ALDH1A1: variants seen among roughly 807,000 people sequenced by gnomAD.
ALDH1A1 encodes aldehyde dehydrogenase 1 family member A1, also known as aldehyde dehydrogenase 1A1.
In ALDH1A1, 19 loss-of-function variants were observed where a neutral mutation model predicts 62.1. The observed-to-expected ratio is 0.31, with a 90% CI of 0.21 to 0.45. ALDH1A1 has a LOEUF of 0.45. ALDH1A1 is among the 20% of genes least tolerant of loss of function. The pLI, the probability that ALDH1A1 is intolerant of heterozygous loss-of-function variation, is 1.00. For synonymous variants in ALDH1A1, 231 were observed against 215.9 expected (o/e 1.07, Z -0.61); for missense variants, 521 against 607.1 (o/e 0.86, Z 1.49).
intron 1 of ALDH1A1, among the ~76,000 whole-genome samples, chr9:72,949,839 TAAAAAAA>T (rs11459106): frequency 1.8e-3 from 256 of 139,242 alleles, no homozygotes; most frequent in African/African-American, 6.5e-3. Context: ...TTCCCTTTTA[TAAAAAAA>T]AAAAAAGAAA....
Position 72,909,823 on chromosome 9 carries a change from G to A in ALDH1A1, c.1201-64C>T, listed in dbSNP as rs8187977. On this transcript the variant is annotated intron_variant, in intron 10 of 12. Coordinates refer to ENST00000297785, the MANE Select transcript of ALDH1A1 (RefSeq NM_000689.5). ...AAAATGAAATATTTTAAATGATATC[G>A]TAGATTTTTTTTCCTACACGCTATC... 1.1e-3 allele frequency: 1,549 copies of A among 1,395,900 alleles called. 20 individuals carry two copies. The African/African-American group carries it at 0.019, about 17-fold the overall frequency. The allele number at this position is 1,395,900 out of a possible 1,614,324, so 86.5% of individuals were successfully genotyped here. A position where few individuals can be genotyped will look rare whatever the true frequency, so the allele number is the denominator to read the frequency against.
chr9:72,943,238 G>T (rs1347296044), intron 1 of ALDH1A1, among the ~76,000 whole-genome samples: 1 of 152,050 alleles, frequency 6.6e-6, no homozygotes, highest in East Asian at 1.9e-4. Flanking sequence ...CTAGGCCTGT[G>T]GTCGGACTTT....
At chr9:72,938,171 A>G (rs1407925375) in intron 2 of ALDH1A1, among the ~76,000 whole-genome samples, 1 of 152,156 alleles carries the variant, frequency 6.6e-6, no homozygotes, top group African/African-American at 2.4e-5. Context: ...ATTAACTAAA[A>G]CACATTGTCA....
At chr9:72,921,597 A>C (rs1272361139) in intron 7 of ALDH1A1, among the ~76,000 whole-genome samples, 1 of 146,454 alleles carries the variant, frequency 6.8e-6, no homozygotes, top group Admixed American at 7.0e-5. Context: ...ATATGTATAC[A>C]TGTGCCATGC....
chr9:72,942,767 T>G (rs145112391), intron 1 of ALDH1A1, among the ~76,000 whole-genome samples: 1 of 152,310 alleles, frequency 6.6e-6, no homozygotes, highest in African/African-American at 2.4e-5. Context: ...CACTGTTCTT[T>G]AGACTAGAGT....
rs1588134572 is a variant in ALDH1A1 at position 72,917,207 on chromosome 9, T to G, written c.851-103A>C. 4.4e-6 allele frequency: 4 copies of G among 910,086 alleles called. No homozygotes were observed. The East Asian group carries it at 1.0e-4, about 23-fold the overall frequency. The allele number at this position is 910,086 out of a possible 1,614,324, so 56.4% of individuals were successfully genotyped here. Reference sequence around the variant, plus strand: ...AGATAAAGAAAAATTATGAGTTGTGTAGTCAGACATGGGCTCAGTATAGTT... The same window carrying G: ...AGATAAAGAAAAATTATGAGTTGTGGAGTCAGACATGGGCTCAGTATAGTT... On this transcript the variant is annotated intron_variant, in intron 8 of 12. Transcript: ENST00000297785.
At chr9:72,930,478 C>T (rs1478246839) in intron 3 of ALDH1A1, among the ~76,000 whole-genome samples, 1 of 152,082 alleles carries the variant, frequency 6.6e-6, no homozygotes, top group African/African-American at 2.4e-5. Flanking sequence ...TTTGGGCACC[C>T]TTAACAAACT....
In ALDH1A1 at chr9:72,916,886, C is replaced by G. The variant is rs759196939; in HGVS notation, c.1035+34G>C. 3 of 1,506,940 alleles carry G rather than the reference C, an allele frequency of 2.0e-6. No homozygotes were observed. The South Asian group carries it at 4.0e-5, about 20-fold the overall frequency. The allele number at this position is 1,506,940 out of a possible 1,614,324, so 93.3% of individuals were successfully genotyped here. On this transcript the variant is annotated intron_variant, in intron 9 of 12. Transcript: ENST00000297785. ...TAAAGAGGATACTTTATTCCTGTGCCCTGAAAATGCTATCCTTTCTATTTT... is the reference window on the plus strand; with the variant it reads ...TAAAGAGGATACTTTATTCCTGTGCGCTGAAAATGCTATCCTTTCTATTTT...
chr9:72,923,845 T>C, intron 7 of ALDH1A1, 174 bp downstream of exon 7: 1 of 433,918 alleles, frequency 2.3e-6, no homozygotes, highest in Non-Finnish European at 4.0e-6. Flanking sequence ...CATCATGTCA[T>C]TCAAACTACA....
chr9:72,943,972 G>C (rs528662167), intron 1 of ALDH1A1, among the ~76,000 whole-genome samples: 21 of 152,012 alleles, frequency 1.4e-4, no homozygotes, highest in Middle Eastern at 3.4e-3. Flanking sequence ...GTAAAGGGAG[G>C]GACAAATCTT....
At chr9:72,907,753 T>C (rs1173575906) in intron 11 of ALDH1A1, among the ~76,000 whole-genome samples, 1 of 152,204 alleles carries the variant, frequency 6.6e-6, no homozygotes. Context: ...ATTGCGTGAA[T>C]AGTATTCTTG....
intron 1 of ALDH1A1, among the ~76,000 whole-genome samples, chr9:72,948,835 A>G (rs1830504172): frequency 1.3e-5 from 2 of 151,808 alleles, no homozygotes; most frequent in South Asian, 4.1e-4. Flanking sequence ...AATAAGAGGA[A>G]GGGAAATATG....
Position 72,917,047 on chromosome 9 carries a change from C to A in ALDH1A1, c.908G>T (p.Cys303Phe). 6.2e-7 allele frequency: 1 copy of A among 1,613,258 alleles called. No homozygotes were observed. ...HGVFYHQGQC[C>F]IAASRIFVEE... ...CACAAAAATCCTGGATGCGGCTATA[C>A]AACACTGGCCCTGGTGGTAGAATAC... The change falls in exon 9 of 13, where the codon TGT becomes TTT. Residue 303 changes from cysteine to phenylalanine, a missense_variant. Cys to Phe is a radical substitution (Grantham distance 205). Transcript: ENST00000297785.
chr9:72,934,359 G>A (rs913192161), intron 2 of ALDH1A1, among the ~76,000 whole-genome samples: 1 of 151,748 alleles, frequency 6.6e-6, no homozygotes, highest in Non-Finnish European at 1.5e-5. Flanking sequence ...AAACTATCTT[G>A]GCTACTATCA....
At chr9:72,942,833 A>G (rs1830432258) in intron 1 of ALDH1A1, among the ~76,000 whole-genome samples, 1 of 152,142 alleles carries the variant, frequency 6.6e-6, no homozygotes, top group Middle Eastern at 3.4e-3. Context: ...TCATCTCCTC[A>G]TGAAGATTTG....
intron 2 of ALDH1A1, among the ~76,000 whole-genome samples, chr9:72,938,477 C>T (rs1220453849): frequency 1.3e-5 from 2 of 152,026 alleles, no homozygotes; most frequent in Non-Finnish European, 1.5e-5. Context: ...GACGGAGTTT[C>T]GCTCTTGTCA....
chr9:72,930,493 T>C (rs1219165887), intron 3 of ALDH1A1, among the ~76,000 whole-genome samples: 1 of 151,840 alleles, frequency 6.6e-6, no homozygotes, highest in Non-Finnish European at 1.5e-5. Context: ...CAAACTTGAG[T>C]TTTTCCATCA....
At chr9:72,905,873 A>G in intron 12 of ALDH1A1, 85 bp downstream of exon 12, 1 of 1,127,652 alleles carries the variant, frequency 8.9e-7, no homozygotes, top group Non-Finnish European at 1.3e-6. Context: ...GTTTTATGTA[A>G]GGTGAAAACT....
intron 5 of ALDH1A1, among the ~76,000 whole-genome samples, chr9:72,926,602 A>T (rs773944278): frequency 4.6e-5 from 7 of 152,258 alleles, no homozygotes; most frequent in African/African-American, 1.7e-4. Context: ...TATTCCATGC[A>T]GTGCTTCAAA....
Sources: gnomAD v4.1 joint callset for allele counts (sites outside exome capture counted in the v4.1 genomes callset) on GRCh38, gnomAD v4.1.1 for gene constraint, MANE v1.5 for transcripts, NCBI Gene and HGNC (gene_info 2026-07-23, HGNC 2026-07-21) for gene names.